NOTCH2: variants seen among roughly 807,000 people sequenced by gnomAD.
The protein encoded by NOTCH2 is notch receptor 2.
In NOTCH2, 29 loss-of-function variants were observed where a neutral mutation model predicts 235.8. The observed-to-expected ratio is 0.12, with a 90% CI of 0.09 to 0.17. The LOEUF is 0.17. Ranked by LOEUF, NOTCH2 falls within the 10% of genes least tolerant of loss-of-function variation. NOTCH2 has a pLI of 1.00. For synonymous variants in NOTCH2, 1,086 were observed against 1,141.5 expected, an observed-to-expected ratio of 0.95 and a Z score of 0.98; for missense variants, 2,285 against 3,150.2, an observed-to-expected ratio of 0.73 and a Z score of 6.57.
chr1:119,961,900 T>C (rs1337925903), intron 11 of NOTCH2, among the ~76,000 whole-genome samples: 6 of 152,198 alleles, frequency 3.9e-5, no homozygotes, highest in African/African-American at 1.2e-4. Context: ...ATTCTTACTC[T>C]AGAACTTCAG....
At chr1:119,924,624 T>C (rs1206129297) in intron 25 of NOTCH2, among the ~76,000 whole-genome samples, 2 of 152,178 alleles carry the variant, frequency 1.3e-5, no homozygotes, top group Non-Finnish European at 2.9e-5. Flanking sequence ...CCTCATCCCC[T>C]ACCCCTTGAT....
chr1:119,925,686 C>G lies in NOTCH2; in HGVS notation c.4130G>C (p.Gly1377Ala), dbSNP rs758311065. ...FCPSPRDCESGCASSPCQHGG... is the reference protein window; with the variant it reads ...FCPSPRDCESACASSPCQHGG... ...GTGCTGGCAGGGGCTACTGGCACAG[C>G]CTGACTCGCAGTCCCGGGGACTGGG... The change falls in exon 25 of 34, where the codon GGC (glycine) becomes GCC (alanine). Residue 1377 changes from glycine (G) to alanine (A), a missense_variant. Around this residue, in one of 6 missense-constraint regions of NOTCH2, gnomAD observed 1,173 missense variants for 1,515.3 expected, o/e 0.77. Transcript: ENST00000256646. 6 of 1,612,226 alleles carry G rather than the reference C, an allele frequency of 3.7e-6. No homozygotes were observed. Among genetic ancestry groups the G allele is most frequent in the Non-Finnish European group, 4.2e-6 (5 of 1,178,712 alleles).
chr1:119,926,285 G>T (rs1306604225), intron 24 of NOTCH2, among the ~76,000 whole-genome samples: 1 of 152,186 alleles, frequency 6.6e-6, no homozygotes, highest in African/African-American at 2.4e-5. Flanking sequence ...CACTGTTTCT[G>T]GGAGTGTCTA....
chr1:119,916,199 T>A lies in NOTCH2; in HGVS notation c.6523A>T (p.Ile2175Phe). Reference protein sequence around the residue: ...TSSPMITSPGILQASPNPMLA... With the variant: ...TSSPMITSPGFLQASPNPMLA... ...ATAGGGTTGGGTGAGGCCTGTAAGATCCCAGGGGATGTAATCATTGGAGAG... is the reference window on the plus strand; with the variant it reads ...ATAGGGTTGGGTGAGGCCTGTAAGAACCCAGGGGATGTAATCATTGGAGAG... Residue 2175 changes from isoleucine to phenylalanine, a missense_variant, in exon 34 of 34, where the codon ATC (isoleucine) becomes TTC (phenylalanine). Ile to Phe is a conservative substitution (Grantham distance 21). This residue lies in a region of NOTCH2 where 504 missense variants were observed against 538.0 expected (regional missense o/e 0.94). Transcript: ENST00000256646. The A allele has an allele frequency of 1.9e-6, 3 of 1,614,162 alleles. No homozygotes were observed. Among genetic ancestry groups the A allele is most frequent in the Non-Finnish European group, 2.5e-6 (3 of 1,180,020 alleles).
intron 5 of NOTCH2, among the ~76,000 whole-genome samples, chr1:119,975,622 G>A (rs1651545733): frequency 6.7e-6 from 1 of 148,970 alleles, no homozygotes; most frequent in Admixed American, 6.7e-5. Flanking sequence ...CTCCAGCCTG[G>A]CGACAGAGCA....
intron 5 of NOTCH2, among the ~76,000 whole-genome samples, chr1:119,977,179 G>A (rs1404301604): frequency 1.3e-5 from 2 of 152,034 alleles, no homozygotes; most frequent in South Asian, 2.1e-4. Flanking sequence ...ATCTGCTTAA[G>A]GTTCTCTTAT....
chr1:119,924,050 T>C, intron 25 of NOTCH2, 66 bp from the exon 26 acceptor site: 1 of 1,374,540 alleles, frequency 7.3e-7, no homozygotes, highest in Non-Finnish European at 1.0e-6. Flanking sequence ...ATTTGCTTTT[T>C]CATTTGGAAC....
intron 11 of NOTCH2, among the ~76,000 whole-genome samples, chr1:119,960,442 A>G: frequency 6.6e-6 from 1 of 150,640 alleles, no homozygotes; most frequent in East Asian, 2.0e-4. Flanking sequence ...CATTATTTGT[A>G]AAGAGATATT....
At position 119,966,510 on chromosome 1, in the gene NOTCH2, A is replaced by T. The variant is rs1394414802; in HGVS notation, c.1454-21T>A. 6 of 1,543,680 alleles carry T rather than the reference A, an allele frequency of 3.9e-6. 1 individual carries two copies. Among genetic ancestry groups the T allele is most frequent in the Middle Eastern group, 3.4e-4 (2 of 5,970 alleles). The stretch of plus-strand genomic sequence containing the variant: ...GAAACCTAAACAAAACAGACCACAC[A>T]AGTGGCTTAAAGAGAGAGAAAGGTG... On this transcript the variant is annotated intron_variant, in intron 8 of 33. Coordinates refer to ENST00000256646, the MANE Select transcript of NOTCH2 (RefSeq NM_024408.4).
At position 120,069,485 on chromosome 1, in the gene NOTCH2, G is replaced by T. The variant is rs1288322603; in HGVS notation, c.-79C>A. On this transcript the variant is annotated 5_prime_UTR_variant, in exon 1 of 34. Transcript: ENST00000256646. ...ATGGGGAGGGGGTCCCGATAGAGGA[G>T]CCCCACTCTCTCCTCCCCTCCTCCT... 6.7e-7 allele frequency: 1 copy of T among 1,486,502 alleles called. No homozygotes were observed. The highest frequency in any genetic ancestry group is 1.3e-5 in the South Asian group (1 of 78,968). 92.1% of individuals were successfully genotyped at this position (1,486,502 alleles called of 1,614,324 possible).
Position 119,914,459 on chromosome 1 carries a change from C to G in NOTCH2, c.*847G>C. 4.3e-6 allele frequency: 1 copy of G among 233,332 alleles called. No homozygotes were observed. Among genetic ancestry groups the G allele is most frequent in the Non-Finnish European group, 8.5e-6 (1 of 118,112 alleles). 14.5% of individuals were successfully genotyped at this position (233,332 alleles called of 1,614,324 possible). ...CCCATACACAGAAAAACAACAAACT[C>G]ACACCCTTCTTCCTGGTAAAGTTTA... On this transcript the variant is annotated 3_prime_UTR_variant, in exon 34 of 34. Transcript: ENST00000256646.
intron 1 of NOTCH2, among the ~76,000 whole-genome samples, chr1:120,045,500 C>A (rs1654748826): frequency 7.1e-6 from 1 of 141,410 alleles, no homozygotes. Context: ...GAGCCTTTAC[C>A]AAGCCCTAAC....
Position 119,922,301 on chromosome 1 carries a change from A to G in NOTCH2, c.5148T>C (p.Thr1716=), listed in dbSNP as rs760021378. 36 of 1,614,054 alleles carry G rather than the reference A, an allele frequency of 2.2e-5. 1 individual carries two copies. Among genetic ancestry groups the G allele is most frequent in the African/African-American group, 4.0e-5 (3 of 74,910 alleles). ...TGTGATTGCTTGCATCTCGGCGAAG[A>G]GTGAAACCTTCAGGCAGCCAGAGAG... ...HGSLWLPEGF[T]LRRDASNHKR... The change falls in exon 28 of 34, where the codon ACT becomes ACC. Residue 1716 remains threonine, a synonymous_variant. Transcript: ENST00000256646.
rs1649200636 is a variant in NOTCH2, at chr1:119,919,579, T to G, written c.5514A>C (p.Arg1838=). ...CATCACTCAAATCTGAGCTGCCTCC[T>G]CGGAGAGAAGCCAACATCAATGGGG... ...GCTPLMLASL[R]GGSSDLSDED... The change falls in exon 31 of 34, where the codon CGA becomes CGC. Residue 1838 remains arginine (R), a synonymous_variant. Transcript: ENST00000256646. 1 of 1,614,184 alleles carries G rather than the reference T, an allele frequency of 6.2e-7. No individual in the cohort carries two copies. The highest frequency in any genetic ancestry group is 1.3e-5 in the African/African-American group (1 of 75,066).
At chr1:119,947,452 C>A (rs2101113019) in intron 17 of NOTCH2, among the ~76,000 whole-genome samples, 1 of 152,224 alleles carries the variant, frequency 6.6e-6, no homozygotes, top group East Asian at 1.9e-4. Flanking sequence ...AAATTAAAAT[C>A]ACAATGAAAT....
chr1:119,965,784 T>C (rs1363745754), intron 9 of NOTCH2, among the ~76,000 whole-genome samples: 1 of 152,190 alleles, frequency 6.6e-6, no homozygotes, highest in African/African-American at 2.4e-5. Context: ...CAGACAGACT[T>C]CACTTCTAAA....
In NOTCH2 at chr1:119,940,724, C is replaced by T. The variant is rs782036233; in HGVS notation, c.3014G>A (p.Gly1005Glu). 28 of 1,614,030 alleles carry T rather than the reference C, an allele frequency of 1.7e-5. No homozygotes were observed. The African/African-American group carries it at 3.7e-4, about 22-fold the overall frequency. ...SCFNGGTCVD[G>E]INSFSCLCPV... ...GCACAAGCAAGAGAAGGAGTTAATCCCATCAACACATGTGCCACCATTGAA... is the reference window on the plus strand; with the variant it reads ...GCACAAGCAAGAGAAGGAGTTAATCTCATCAACACATGTGCCACCATTGAA... Residue 1005 changes from glycine (G) to glutamate (E), a missense_variant, in exon 19 of 34, where the codon GGG becomes GAG. Physicochemically the swap from Gly to Glu is moderately conservative, Grantham distance 98. This residue lies in a region of NOTCH2 where 1,173 missense variants were observed against 1,515.3 expected (regional missense o/e 0.77). Coordinates refer to ENST00000256646, the MANE Select transcript of NOTCH2 (RefSeq NM_024408.4).
At chr1:119,931,050 C>A (rs1230296270) in intron 22 of NOTCH2, among the ~76,000 whole-genome samples, 2 of 149,712 alleles carry the variant, frequency 1.3e-5, no homozygotes, top group African/African-American at 4.9e-5. Context: ...TTGCAGTAAG[C>A]CGAGATTGCG....
intron 5 of NOTCH2, among the ~76,000 whole-genome samples, chr1:119,978,922 T>A (rs2101166484): frequency 6.6e-6 from 1 of 152,284 alleles, no homozygotes; most frequent in Admixed American, 6.5e-5. Context: ...TATTAAAAGA[T>A]TCTACAACAT....
Sources: allele counts gnomAD v4.1 joint callset (sites outside exome capture counted in the v4.1 genomes callset), GRCh38; gene constraint gnomAD v4.1.1; regional missense constraint gnomAD v4.1.1; transcripts MANE v1.5; gene names NCBI Gene and HGNC (gene_info 2026-07-23, HGNC 2026-07-21).